Variants in LETM1 observed in about 807,000 individuals in gnomAD.
LETM1 encodes the protein mitochondrial proton/calcium exchanger protein.
In LETM1, 50 loss-of-function variants were observed where a neutral mutation model predicts 74.5. That is an observed-to-expected ratio of 0.67 (90% confidence interval 0.53 to 0.85). The LOEUF (loss-of-function observed/expected upper bound fraction) is 0.85. Ranked by LOEUF, LETM1 falls within the 40% of genes least tolerant of loss-of-function variation. The pLI, the probability that LETM1 is intolerant of heterozygous loss-of-function variation, is 0.00. For missense variants in LETM1, 824 were observed against 967.8 expected (o/e 0.85, Z 1.97); for synonymous variants, 446 against 407.1 (o/e 1.10, Z -1.15).
At chr4:1,815,935 G>A (rs909526012) in intron 12 of LETM1, 133 bp from the exon 13 acceptor site, 6 of 1,002,088 alleles carry the variant, frequency 6.0e-6, no homozygotes, top group African/African-American at 3.2e-5. Context: ...CCTCCAGCAC[G>A]GACCCCCAAG....
Position 1,841,730 on chromosome 4 carries a change from C to T in LETM1, c.211G>A (p.Gly71Ser), listed in dbSNP as rs750908839. The T allele has an allele frequency of 2.4e-5, 39 of 1,614,036 alleles. No individual in the cohort carries two copies. The highest frequency in any genetic ancestry group is 1.6e-4 in the Middle Eastern group (1 of 6,084). Residue 71 changes from glycine to serine, a missense_variant, in exon 3 of 14, where the codon GGC becomes AGC. Around this residue, in one of 4 missense-constraint regions of LETM1, gnomAD observed 222 missense variants for 195.6 expected, o/e 1.14. Coordinates refer to ENST00000302787, the MANE Select transcript of LETM1 (RefSeq NM_012318.3). Reference sequence around the variant, plus strand: ...CACTCGGGCCTCAGAGCCCAACAGCCGAGGTGATCGCCTCTGGAGGATGTG... The same window carrying T: ...CACTCGGGCCTCAGAGCCCAACAGCTGAGGTGATCGCCTCTGGAGGATGTG... ...VYTSSRGDHL[G>S]CWALRPECLR...
In LETM1 at chr4:1,856,121, G is replaced by C. The variant is rs1577331606; in HGVS notation, c.-171C>G. The C allele has an allele frequency of 2.8e-6, 1 of 358,604 alleles. No individual in the cohort carries two copies. Among genetic ancestry groups the C allele is most frequent in the East Asian group, 4.5e-5 (1 of 22,114 alleles). 22.2% of individuals were successfully genotyped at this position (358,604 alleles called of 1,614,324 possible). A position where few individuals can be genotyped will look rare whatever the true frequency, so the allele number is the denominator to read the frequency against. On this transcript the variant is annotated 5_prime_UTR_variant, in exon 1 of 14. Transcript: ENST00000302787. ...CCTCAAGGACCCGGCACCAGCGGCG[G>C]CCTTGTCCCGGCACAGACGTCCGGA...
intron 9 of LETM1, 163 bp downstream of exon 9, chr4:1,822,825 C>A: frequency 1.7e-6 from 1 of 604,684 alleles, no homozygotes; most frequent in Non-Finnish European, 2.4e-6. Context: ...GCAGCCCTCA[C>A]ACCCGGGCAC....
At chr4:1,832,652 AGAGTTTCTACAAT>A in intron 6 of LETM1, 79 bp downstream of exon 6, 1 of 1,269,562 alleles carries the variant, frequency 7.9e-7, no homozygotes, top group South Asian at 1.3e-5. Context: ...AGCATCTTCC[AGAGTTTCTACAAT>A]GAGGACATGC....
chr4:1,855,674 G>C (rs1257874303), intron 1 of LETM1, among the ~76,000 whole-genome samples, 195 bp downstream of exon 1: 1 of 152,138 alleles, frequency 6.6e-6, no homozygotes, highest in African/African-American at 2.4e-5. Flanking sequence ...CACGGCAGAG[G>C]CCCAGCGGCT....
At position 1,836,247 on chromosome 4, in the gene LETM1, G is replaced by T. The variant is rs1474901595; in HGVS notation, c.738+182C>A. Among the ~76,000 whole-genome samples, 1 of 151,954 alleles carries T rather than the reference G, an allele frequency of 6.6e-6. No individual in the cohort carries two copies. Among genetic ancestry groups the T allele is most frequent in the South Asian group, 2.1e-4 (1 of 4,808 alleles). On this transcript the variant is annotated intron_variant, in intron 4 of 13. Coordinates refer to ENST00000302787, the MANE Select transcript of LETM1 (RefSeq NM_012318.3). The surrounding 1 kb of genome is among the most constrained non-coding windows in gnomAD (Gnocchi z 5.8). ...ATAAATAAATAAATAAATAAATAAC[G>T]AAATAAAGAGAAACAAATCCAAAAC...
At chr4:1,822,160 C>T in intron 10 of LETM1, 21 bp downstream of exon 10, 1 of 1,390,552 alleles carries the variant, frequency 7.2e-7, no homozygotes, top group Non-Finnish European at 9.4e-7. Context: ...GCCTCCAGGG[C>T]CCCAGAACCT....
chr4:1,828,755 C>A (rs542993505), intron 6 of LETM1, among the ~76,000 whole-genome samples: 893 of 133,674 alleles, frequency 6.7e-3, no homozygotes, highest in African/African-American at 0.024. Context: ...CCAGCAGGGG[C>A]GGCCGGGCAG....
intron 12 of LETM1, among the ~76,000 whole-genome samples, chr4:1,816,352 T>C (rs1034984383): frequency 2.6e-5 from 4 of 152,124 alleles, no homozygotes; most frequent in East Asian, 1.9e-4. Flanking sequence ...CTGGGACATG[T>C]CGGGCACAGA....
Position 1,848,274 on chromosome 4 carries a change from C to T in LETM1, c.143+875G>A, listed in dbSNP as rs143738358. Among the ~76,000 whole-genome samples the T allele has an allele frequency of 2.8e-3, 425 of 152,070 alleles. 3 individuals are homozygous for T. Among genetic ancestry groups the T allele is most frequent in the African/African-American group, 9.6e-3 (399 of 41,490 alleles). ...CAAAAATTAGCCAGGTGCGGCCGGA[C>T]GCGGTGGCTCATGCCTGTAATCCCA... On this transcript the variant is annotated intron_variant, in intron 2 of 13. Coordinates refer to ENST00000302787, the MANE Select transcript of LETM1 (RefSeq NM_012318.3).
intron 6 of LETM1, among the ~76,000 whole-genome samples, chr4:1,828,767 G>T (rs1301057991): frequency 2.1e-5 from 3 of 142,424 alleles, no homozygotes; most frequent in Non-Finnish European, 4.6e-5. Context: ...GCCGGGCAGA[G>T]GCGCCCCCCA....
At chr4:1,841,256 G>A in intron 3 of LETM1, 91 bp downstream of exon 3, 1 of 1,164,500 alleles carries the variant, frequency 8.6e-7, no homozygotes, top group Non-Finnish European at 1.2e-6. Flanking sequence ...GAGGCAGGAG[G>A]ATCGCCCATG....
chr4:1,842,823 G>T (rs1473148307), intron 2 of LETM1, among the ~76,000 whole-genome samples: 1 of 152,234 alleles, frequency 6.6e-6, no homozygotes, highest in Non-Finnish European at 1.5e-5. Flanking sequence ...TATGGTTTGT[G>T]TGCAACACAG....
At chr4:1,830,573 G>A (rs1372540004) in intron 6 of LETM1, among the ~76,000 whole-genome samples, 2 of 152,184 alleles carry the variant, frequency 1.3e-5, no homozygotes, top group African/African-American at 4.8e-5. Flanking sequence ...GGCTCAAGCA[G>A]TCCTCCCACC....
Position 1,834,760 on chromosome 4 carries a change from A to G in LETM1, c.876+85T>C, listed in dbSNP as rs1486548783. The G allele has an allele frequency of 4.3e-5, 67 of 1,568,942 alleles. No individual in the cohort carries two copies. Among genetic ancestry groups the G allele is most frequent in the Non-Finnish European group, 5.0e-5 (58 of 1,155,120 alleles). On this transcript the variant is annotated intron_variant, in intron 5 of 13. Transcript: ENST00000302787. The surrounding 1 kb of genome is among the most constrained non-coding windows in gnomAD (Gnocchi z 5.0). ...GCCAGCCAGCACCTGGGGGAGCTCC[A>G]CTCTGCTGAGCACAGCGAAAGGGAA... is the stretch of plus-strand genomic sequence containing the variant.
intron 6 of LETM1, among the ~76,000 whole-genome samples, chr4:1,830,696 C>A (rs757227897): frequency 1.3e-5 from 2 of 152,086 alleles, no homozygotes; most frequent in Non-Finnish European, 2.9e-5. Flanking sequence ...TTTCTTTGCC[C>A]AGATCTGTTT....
chr4:1,818,628 G>A (rs1346830406), intron 11 of LETM1, among the ~76,000 whole-genome samples: 2 of 150,210 alleles, frequency 1.3e-5, no homozygotes, highest in Admixed American at 1.3e-4. Flanking sequence ...AAGAAAAAAA[G>A]AAAGAAAGAA....
At position 1,822,232 on chromosome 4, in the gene LETM1, G is replaced by A. The variant is rs372796641; in HGVS notation, c.1557C>T (p.Val519=). The A allele has an allele frequency of 6.5e-6, 10 of 1,542,840 alleles. No individual in the cohort carries two copies. The highest frequency in any genetic ancestry group is 8.8e-6 in the Non-Finnish European group (10 of 1,137,286). ...TEPQPEMPDT[V]LQSETLKDTA... is the part of the protein sequence containing the mutation. ...TGTCCTTCAAGGTCTCTGACTGCAG[G>A]ACTGTGTCAGGCATTTCTGGCTGTG... is the stretch of plus-strand genomic sequence containing the variant. Residue 519 remains valine, a synonymous_variant, in exon 10 of 14, where the codon GTC becomes GTT. Coordinates refer to ENST00000302787, the MANE Select transcript of LETM1 (RefSeq NM_012318.3).
rs752894460 is a variant in LETM1, at chr4:1,822,297, C to T, written c.1492G>A (p.Glu498Lys). 34 of 1,515,714 alleles carry T rather than the reference C, an allele frequency of 2.2e-5. No homozygotes were observed. The highest frequency in any genetic ancestry group is 1.4e-4 in the African/African-American group (10 of 71,302). 93.9% of individuals were successfully genotyped at this position (1,515,714 alleles called of 1,614,324 possible). A position where few individuals can be genotyped will look rare whatever the true frequency, so the allele number is the denominator to read the frequency against. Residue 498 changes from glutamate (E) to lysine (K), a missense_variant, in exon 10 of 14, where the codon GAA becomes AAA. Around this residue, in one of 4 missense-constraint regions of LETM1, gnomAD observed 172 missense variants for 170.7 expected, o/e 1.01. Transcript: ENST00000302787. ...RSEVAKDFEP[E>K]RVVAAPQRPG... ...CTTTGGGGAGCAGCTACCACACGTT[C>T]GGGCTCAAAATCCTTCTGAAAGGCA... is the stretch of plus-strand genomic sequence containing the variant.
Sources: gnomAD v4.1 joint callset for allele counts (sites outside exome capture counted in the v4.1 genomes callset) on GRCh38, gnomAD v4.1.1 for gene constraint, gnomAD v4.1.1 regional missense constraint, Gnocchi (gnomAD v3.1) non-coding constraint, MANE v1.5 for transcripts, NCBI Gene and HGNC (gene_info 2026-07-23, HGNC 2026-07-21) for gene names.